The following FOXP1 variants were observed in gnomAD, a reference collection of about 807,000 sequenced individuals.
FOXP1 encodes the protein forkhead box P1, also known as forkhead box protein P1.
Under a neutral mutation model 98.2 loss-of-function variants are expected in FOXP1, and 15 were observed. That is an observed-to-expected ratio of 0.15 (90% CI 0.10 to 0.24). FOXP1 has a LOEUF of 0.24. Among genes scored for constraint, FOXP1 ranks in the 10% least tolerant of loss-of-function variants. The pLI is 1.00. For missense variants in FOXP1, 633 were observed against 848.5 expected, an observed-to-expected ratio of 0.75 and a Z score of 3.15; for synonymous variants, 371 against 314.5, an observed-to-expected ratio of 1.18 and a Z score of -1.90.
At chr3:71,405,161 A>G (rs1230067070) in intron 3 of FOXP1, among the ~76,000 whole-genome samples, 2 of 152,176 alleles carry the variant, frequency 1.3e-5, no homozygotes, top group Non-Finnish European at 2.9e-5. Flanking sequence ...ACTCACAGTG[A>G]GCCTTGGGTT....
intron 6 of FOXP1, among the ~76,000 whole-genome samples, chr3:71,182,541 T>C (rs1000065689): frequency 6.7e-5 from 10 of 148,186 alleles, no homozygotes; most frequent in Non-Finnish European, 1.2e-4. Flanking sequence ...TGTATATATG[T>C]ATATATTCTT....
chr3:70,961,671 A>T (rs2033560369), intron 20 of FOXP1, among the ~76,000 whole-genome samples: 1 of 152,032 alleles, frequency 6.6e-6, no homozygotes, highest in African/African-American at 2.4e-5. Context: ...CAGCAGTAAG[A>T]ATTAGGACTG....
At chr3:71,548,694 C>T (rs2045552710) in intron 2 of FOXP1, among the ~76,000 whole-genome samples, 1 of 152,184 alleles carries the variant, frequency 6.6e-6, no homozygotes, top group Non-Finnish European at 1.5e-5. Flanking sequence ...TCACCGCACA[C>T]AACCCCATTT....
intron 5 of FOXP1, among the ~76,000 whole-genome samples, chr3:71,264,207 G>C (rs1241659977): frequency 6.6e-6 from 1 of 152,106 alleles, no homozygotes; most frequent in Non-Finnish European, 1.5e-5. Flanking sequence ...AATGTAGTTT[G>C]GTGGCTCCAA....
At chr3:70,976,665 G>C (rs1465635336) in intron 17 of FOXP1, among the ~76,000 whole-genome samples, 1 of 152,156 alleles carries the variant, frequency 6.6e-6, no homozygotes, top group Non-Finnish European at 1.5e-5. Context: ...GGGCGACGGT[G>C]TTGTCTCCTT....
intron 11 of FOXP1, among the ~76,000 whole-genome samples, chr3:71,023,316 C>T (rs1277800374): frequency 1.3e-5 from 2 of 152,222 alleles, no homozygotes; most frequent in African/African-American, 4.8e-5. Context: ...ACAGAATCCT[C>T]CTTTTTCAGG....
intron 2 of FOXP1, among the ~76,000 whole-genome samples, chr3:71,506,573 C>G (rs766799635): frequency 2.9e-4 from 44 of 152,180 alleles, no homozygotes; most frequent in Admixed American, 5.9e-4. Context: ...ACTACGTCTG[C>G]CCTTGACTTA....
intron 7 of FOXP1, among the ~76,000 whole-genome samples, chr3:71,100,540 T>C (rs2056861855): frequency 6.6e-6 from 1 of 152,192 alleles, no homozygotes; most frequent in Non-Finnish European, 1.5e-5. Flanking sequence ...AGTCACATGG[T>C]GGAGAACTTA....
At chr3:71,280,321 C>CTTTTTTTTTTTTTTTTTTTTTT (rs145186097) in intron 5 of FOXP1, among the ~76,000 whole-genome samples, 1 of 147,814 alleles carries the variant, frequency 6.8e-6, no homozygotes, top group African/African-American at 2.5e-5. Flanking sequence ...TTTACAATAT[C>CTTTTTTTTTTTTTTTTTTTTTT]TTTTTTTTTT....
chr3:71,320,154 C>G (rs1020627196), intron 4 of FOXP1, among the ~76,000 whole-genome samples: 1 of 152,018 alleles, frequency 6.6e-6, no homozygotes, highest in Non-Finnish European at 1.5e-5. Flanking sequence ...CCAGTCACAC[C>G]TTAATATTTT....
intron 5 of FOXP1, among the ~76,000 whole-genome samples, chr3:71,225,679 C>T (rs990797246): frequency 3.6e-4 from 55 of 152,296 alleles, no homozygotes; most frequent in African/African-American, 1.1e-3. Flanking sequence ...AAATAGCTAG[C>T]GATTTTTCTC....
Position 70,956,627 on chromosome 3 carries a change from T to G in FOXP1, c.*2620A>C, listed in dbSNP as rs1260196813. 1.3e-5 allele frequency: 3 copies of G among 229,068 alleles called. No individual in the cohort carries two copies. Among genetic ancestry groups the G allele is most frequent in the Non-Finnish European group, 2.6e-5 (3 of 115,508 alleles). 14.2% of individuals were successfully genotyped at this position (229,068 alleles called of 1,614,324 possible). On this transcript the variant is annotated 3_prime_UTR_variant, in exon 21 of 21. Transcript: ENST00000649528. ...CTAATCTACCAGATTTTTATCCTCT[T>G]TTGAATACCAAACTAACCAGCAACC...
chr3:71,213,607 G>A (rs1230902809), intron 5 of FOXP1, among the ~76,000 whole-genome samples: 4 of 152,182 alleles, frequency 2.6e-5, no homozygotes, highest in Non-Finnish European at 5.9e-5. Flanking sequence ...CACAAGGTCA[G>A]AAGTTCGAGA....
At chr3:71,092,946 A>G (rs1482728848) in intron 7 of FOXP1, among the ~76,000 whole-genome samples, 1 of 152,206 alleles carries the variant, frequency 6.6e-6, no homozygotes, top group Non-Finnish European at 1.5e-5. Flanking sequence ...CATCAGGAAG[A>G]CATATTTACC....
intron 2 of FOXP1, among the ~76,000 whole-genome samples, chr3:71,503,307 G>T (rs2041544755): frequency 6.6e-6 from 1 of 152,024 alleles, no homozygotes; most frequent in Admixed American, 6.6e-5. Flanking sequence ...TTACTTAAAG[G>T]AATAAAAATA....
At chr3:71,248,933 C>T (rs1356672914) in intron 5 of FOXP1, among the ~76,000 whole-genome samples, 1 of 152,064 alleles carries the variant, frequency 6.6e-6, no homozygotes, top group Non-Finnish European at 1.5e-5. Flanking sequence ...CACAAAAAAG[C>T]CAGTGGGAAG....
intron 4 of FOXP1, among the ~76,000 whole-genome samples, chr3:71,321,168 G>A (rs1249161477): frequency 2.0e-5 from 3 of 149,626 alleles, no homozygotes; most frequent in Admixed American, 6.7e-5. Context: ...ATAGTAAGAC[G>A]ATTTTGCATT....
At chr3:71,284,777 T>C (rs1576764427) in intron 5 of FOXP1, among the ~76,000 whole-genome samples, 1 of 151,504 alleles carries the variant, frequency 6.6e-6, no homozygotes, top group Non-Finnish European at 1.5e-5. Context: ...AAAAAAAAAA[T>C]GGATACACAA....
At chr3:71,258,608 T>C (rs757352711) in intron 5 of FOXP1, among the ~76,000 whole-genome samples, 13 of 152,108 alleles carry the variant, frequency 8.5e-5, no homozygotes, top group Non-Finnish European at 1.5e-4. Flanking sequence ...GTCTTCATTC[T>C]ACAGGCAGGA....
Sources: gnomAD v4.1 joint callset for allele counts (sites outside exome capture counted in the v4.1 genomes callset) on GRCh38, gnomAD v4.1.1 for gene constraint, MANE v1.5 for transcripts, NCBI Gene and HGNC (gene_info 2026-07-23, HGNC 2026-07-21) for gene names.